Variants in MRTFA observed in about 807,000 individuals in gnomAD.
MRTFA encodes the protein myocardin-related transcription factor A.
MRTFA carries 20 observed loss-of-function variants against 83.5 expected under a neutral mutation model. The ratio of observed to expected loss-of-function variants is 0.24; its 90% CI spans 0.17 to 0.35. MRTFA has a LOEUF of 0.35. MRTFA is among the 10% of genes least tolerant of loss of function. MRTFA has a pLI of 1.00. For synonymous variants in MRTFA, 659 were observed against 541.2 expected (o/e 1.22, Z -3.02); for missense variants, 1,200 against 1,224.7 (o/e 0.98, Z 0.30).
intron 4 of MRTFA, among the ~76,000 whole-genome samples, chr22:40,458,696 TA>T (rs1656226271): frequency 6.6e-6 from 1 of 152,148 alleles, no homozygotes; most frequent in African/African-American, 2.4e-5. Flanking sequence ...AATACAGCCA[TA>T]ACTAACGTGC....
At chr22:40,540,973 G>A (rs531858458) in intron 3 of MRTFA, among the ~76,000 whole-genome samples, 73 of 152,108 alleles carry the variant, frequency 4.8e-4, no homozygotes, top group South Asian at 3.7e-3. Context: ...TACCCAGAAA[G>A]GGCAGGTGCT....
chr22:40,626,866 A>AAAAC (rs1556030970), intron 1 of MRTFA, among the ~76,000 whole-genome samples: 2 of 145,128 alleles, frequency 1.4e-5, no homozygotes, highest in Non-Finnish European at 1.5e-5. Flanking sequence ...CCCTGTCTCA[A>AAAAC]ACACACACAC....
chr22:40,507,621 A>G (rs2054600374), intron 3 of MRTFA, among the ~76,000 whole-genome samples: 1 of 148,036 alleles, frequency 6.8e-6, no homozygotes, highest in Non-Finnish European at 1.5e-5. Flanking sequence ...TCTCTGAAAG[A>G]AAAAAAAAAA....
chr22:40,618,316 T>C (rs2056479813), intron 1 of MRTFA, among the ~76,000 whole-genome samples: 1 of 148,740 alleles, frequency 6.7e-6, no homozygotes, highest in Non-Finnish European at 1.5e-5. Context: ...GGTCTCAATC[T>C]CCTGACCTCG....
At chr22:40,458,607 GT>G (rs1366390946) in intron 4 of MRTFA, among the ~76,000 whole-genome samples, 2 of 152,092 alleles carry the variant, frequency 1.3e-5, no homozygotes, top group African/African-American at 2.4e-5. Context: ...AGGTAGATGG[GT>G]TTTTTTCCTT....
intron 3 of MRTFA, among the ~76,000 whole-genome samples, chr22:40,499,957 T>TGTCCCCAA (rs1460988186): frequency 7.5e-6 from 1 of 133,846 alleles, no homozygotes; most frequent in Non-Finnish European, 1.5e-5. Context: ...AGTCTCACTC[T>TGTCCCCAA]GTCCCCAAGG....
At chr22:40,464,088 G>T (rs1289129276) in intron 3 of MRTFA, among the ~76,000 whole-genome samples, 1 of 151,862 alleles carries the variant, frequency 6.6e-6, no homozygotes, top group Admixed American at 6.6e-5. Flanking sequence ...GGATCACAAG[G>T]TCAGGAGTTC....
intron 4 of MRTFA, among the ~76,000 whole-genome samples, chr22:40,455,439 G>A (rs2147136413): frequency 6.6e-6 from 1 of 152,096 alleles, no homozygotes; most frequent in East Asian, 1.9e-4. Context: ...GAGGTCAGGA[G>A]ATTGAGACCA....
At chr22:40,434,918 G>A (rs1363666141) in intron 5 of MRTFA, among the ~76,000 whole-genome samples, 2 of 152,068 alleles carry the variant, frequency 1.3e-5, no homozygotes, top group African/African-American at 4.8e-5. Flanking sequence ...CTGGGGAACC[G>A]AAACAGAGTT....
chr22:40,494,339 A>G (rs147571912), intron 3 of MRTFA, among the ~76,000 whole-genome samples: 1 of 152,294 alleles, frequency 6.6e-6, no homozygotes, highest in African/African-American at 2.4e-5. Context: ...TAGCAGCTTT[A>G]TTTGTGATTG....
intron 3 of MRTFA, among the ~76,000 whole-genome samples, chr22:40,536,364 G>A (rs976642992): frequency 1.8e-4 from 27 of 146,164 alleles, no homozygotes; most frequent in African/African-American, 5.6e-4. Flanking sequence ...GGAGTTCAGC[G>A]GGCAGCGGAG....
Position 40,419,129 on chromosome 22 carries a change from C to G in MRTFA, c.1609G>C (p.Ala537Pro). 6.3e-7 allele frequency: 1 copy of G among 1,586,944 alleles called. No homozygotes were observed. The change falls in exon 12 of 15, where the codon GCC becomes CCC. Residue 537 changes from alanine (A) to proline (P), a missense_variant. Around this residue, in one of 2 missense-constraint regions of MRTFA, gnomAD observed 1,107 missense variants for 1,041.8 expected, o/e 1.06. Coordinates refer to ENST00000355630, the MANE Select transcript of MRTFA (RefSeq NM_020831.6). ...CCAAACTTCACCACCCCACTGCTGG[C>G]CACCGTGGCCACCACCACCTCAGCT...
At chr22:40,473,735 T>C (rs2147171861) in intron 3 of MRTFA, among the ~76,000 whole-genome samples, 1 of 152,318 alleles carries the variant, frequency 6.6e-6, no homozygotes, top group South Asian at 2.1e-4. Context: ...ATAATTAGAA[T>C]ACCCATCTTT....
At chr22:40,565,485 T>C (rs1332766404) in intron 2 of MRTFA, among the ~76,000 whole-genome samples, 1 of 152,156 alleles carries the variant, frequency 6.6e-6, no homozygotes, top group Non-Finnish European at 1.5e-5. Flanking sequence ...AGGTAGAGAC[T>C]GCAGTGAGCC....
chr22:40,533,766 C>T (rs903653841), intron 3 of MRTFA: 1 of 460,616 alleles, frequency 2.2e-6, no homozygotes, highest in African/African-American at 2.0e-5. Flanking sequence ...GTGAGAATAT[C>T]CCCTTCTCAG....
chr22:40,632,511 C>T (rs1247825694), intron 1 of MRTFA, among the ~76,000 whole-genome samples: 1 of 152,094 alleles, frequency 6.6e-6, no homozygotes, highest in Non-Finnish European at 1.5e-5. Flanking sequence ...TCTTGGCTCA[C>T]TGCAACCTCC....
chr22:40,565,534 G>A (rs772999989), intron 2 of MRTFA, among the ~76,000 whole-genome samples: 28 of 152,072 alleles, frequency 1.8e-4, no homozygotes, highest in African/African-American at 3.1e-4. Flanking sequence ...GCAACAGAGC[G>A]AGACTCGATC....
rs567992268 is a variant in MRTFA at position 40,579,732 on chromosome 22, C to T, written c.-22+14942G>A. Among the ~76,000 whole-genome samples the T allele has an allele frequency of 2.6e-5, 4 of 151,992 alleles. No homozygotes were observed. In the East Asian group the frequency reaches 7.7e-4, roughly 29 times the overall value. Reference sequence around the variant, plus strand: ...AAAATTAGCCGGGCATGGTGGCAGGCGCCTATAATCCCAGCTACTTGGGAG... The same window carrying T: ...AAAATTAGCCGGGCATGGTGGCAGGTGCCTATAATCCCAGCTACTTGGGAG... On this transcript the variant is annotated intron_variant, in intron 2 of 14. Coordinates refer to ENST00000355630, the MANE Select transcript of MRTFA (RefSeq NM_020831.6).
chr22:40,469,053 T>C (rs1428464684), intron 3 of MRTFA, among the ~76,000 whole-genome samples: 1 of 152,240 alleles, frequency 6.6e-6, no homozygotes. Flanking sequence ...TTTTAATAAA[T>C]TGCATGGTGC....
Sources: gnomAD v4.1 joint callset for allele counts (sites outside exome capture counted in the v4.1 genomes callset) on GRCh38, gnomAD v4.1.1 for gene constraint, gnomAD v4.1.1 regional missense constraint, MANE v1.5 for transcripts, NCBI Gene and HGNC (gene_info 2026-07-23, HGNC 2026-07-21) for gene names.